The following GRID2 variants were observed in gnomAD, a reference collection of about 807,000 sequenced individuals.
GRID2 encodes glutamate ionotropic receptor delta type subunit 2.
Under a neutral mutation model 114.8 loss-of-function variants are expected in GRID2, and 33 were observed. That is an observed-to-expected ratio of 0.29 (90% confidence interval 0.22 to 0.38). GRID2 has a LOEUF of 0.38. Among genes scored for constraint, GRID2 ranks in the 10% least tolerant of loss-of-function variants. The probability of loss-of-function intolerance (pLI) is 1.00; values close to 1 mark genes in which losing one functional copy is unlikely to be tolerated. For missense variants in GRID2, 1,184 were observed against 1,257.7 expected, an observed-to-expected ratio of 0.94 and a Z score of 0.89; for synonymous variants, 505 against 449.9, an observed-to-expected ratio of 1.12 and a Z score of -1.55.
At chr4:93,306,843 T>C (rs1755476463) in intron 8 of GRID2, among the ~76,000 whole-genome samples, 1 of 152,240 alleles carries the variant, frequency 6.6e-6, no homozygotes, top group Non-Finnish European at 1.5e-5. Flanking sequence ...TCTTGGTAAC[T>C]ATAATAAAGG....
At chr4:92,994,339 G>C (rs1290373887) in intron 2 of GRID2, among the ~76,000 whole-genome samples, 1 of 151,864 alleles carries the variant, frequency 6.6e-6, no homozygotes. Context: ...TTAAGTTATT[G>C]TTTTTGTTTG....
Position 93,455,838 on chromosome 4 carries a change from T to C in GRID2, c.1722T>C (p.Ala574=). 6.2e-7 allele frequency: 1 copy of C among 1,613,160 alleles called. No individual in the cohort carries two copies. Among genetic ancestry groups the C allele is most frequent in the Non-Finnish European group, 8.5e-7 (1 of 1,179,114 alleles). Residue 574 remains alanine (A), a synonymous_variant, in exon 11 of 16, where the codon GCT becomes GCC. Transcript: ENST00000282020. ...PFDLSLWACI[A]GTVLLVGLLV... is the part of the protein sequence containing the mutation. ...ATCTCTCTCTATGGGCTTGCATTGC[T>C]GGCACAGTCCTTCTGGTGGGTCTAC...
chr4:92,583,542 A>C (rs1728277359), intron 1 of GRID2, among the ~76,000 whole-genome samples: 1 of 151,944 alleles, frequency 6.6e-6, no homozygotes, highest in African/African-American at 2.4e-5. Context: ...ATATTAGCAT[A>C]GAACATATTA....
At chr4:93,707,772 A>T (rs1027274133) in intron 14 of GRID2, among the ~76,000 whole-genome samples, 10 of 151,408 alleles carry the variant, frequency 6.6e-5, no homozygotes, top group African/African-American at 2.4e-4. Context: ...TCTTTAAGGT[A>T]TATCATTAGG....
At chr4:93,741,598 A>G (rs990621453) in intron 14 of GRID2, among the ~76,000 whole-genome samples, 1 of 152,152 alleles carries the variant, frequency 6.6e-6, no homozygotes, top group Non-Finnish European at 1.5e-5. Flanking sequence ...TTAACAAGCA[A>G]ATTAAACAAC....
At chr4:93,241,259 G>A (rs1220802286) in intron 8 of GRID2, among the ~76,000 whole-genome samples, 1 of 151,562 alleles carries the variant, frequency 6.6e-6, no homozygotes, top group Non-Finnish European at 1.5e-5. Flanking sequence ...AGATTCTTGT[G>A]AATTTTCTGC....
intron 1 of GRID2, among the ~76,000 whole-genome samples, chr4:93,805,953 C>T (rs1251357084): frequency 1.3e-5 from 2 of 151,910 alleles, no homozygotes; most frequent in African/African-American, 2.4e-5. Flanking sequence ...AAAAATTAGC[C>T]GGGTGTGGTG....
At chr4:93,761,448 G>A (rs982603742) in intron 14 of GRID2, among the ~76,000 whole-genome samples, 1 of 152,122 alleles carries the variant, frequency 6.6e-6, no homozygotes, top group Non-Finnish European at 1.5e-5. Context: ...AAGCCCACTT[G>A]TTTACTTACT....
At chr4:93,178,701 CAAG>C (rs1442691937) in intron 4 of GRID2, among the ~76,000 whole-genome samples, 1 of 151,886 alleles carries the variant, frequency 6.6e-6, no homozygotes, top group Non-Finnish European at 1.5e-5. Context: ...GAAAAGTTTT[CAAG>C]AAGAGAATGT....
chr4:92,851,166 T>C (rs1276178664), intron 2 of GRID2, among the ~76,000 whole-genome samples: 13 of 151,970 alleles, frequency 8.6e-5, no homozygotes, highest in Admixed American at 5.9e-4. Context: ...GATGGTAATA[T>C]GTACTTGTGA....
chr4:93,234,574 C>T (rs954102842), intron 7 of GRID2, among the ~76,000 whole-genome samples: 3 of 151,098 alleles, frequency 2.0e-5, no homozygotes, highest in Non-Finnish European at 4.4e-5. Context: ...TATACACACA[C>T]GTAATGTTAC....
intron 2 of GRID2, among the ~76,000 whole-genome samples, chr4:92,632,674 A>C (rs1176152342): frequency 6.6e-6 from 1 of 151,804 alleles, no homozygotes; most frequent in African/African-American, 2.4e-5. Flanking sequence ...AAGTGAAGAA[A>C]GGAAAGGAAG....
intron 2 of GRID2, among the ~76,000 whole-genome samples, chr4:93,031,543 G>A (rs1471019804): frequency 6.6e-6 from 1 of 152,204 alleles, no homozygotes; most frequent in South Asian, 2.1e-4. Flanking sequence ...TGTCGTGGGA[G>A]GAATTGAATC....
At chr4:93,492,910 A>C (rs1356715778) in intron 12 of GRID2, among the ~76,000 whole-genome samples, 3 of 151,774 alleles carry the variant, frequency 2.0e-5, no homozygotes, top group South Asian at 4.1e-4. Context: ...CATTTTCCCT[A>C]TACTCTAGCC....
chr4:92,866,799 C>T (rs181217652), intron 2 of GRID2, among the ~76,000 whole-genome samples: 4 of 152,208 alleles, frequency 2.6e-5, no homozygotes, highest in Admixed American at 6.5e-5. Flanking sequence ...GATCCTCCCA[C>T]CTCGGCCTCC....
At chr4:93,596,455 G>A (rs1034052967) in intron 13 of GRID2, among the ~76,000 whole-genome samples, 75 of 152,130 alleles carry the variant, frequency 4.9e-4, no homozygotes, top group African/African-American at 1.7e-3. Flanking sequence ...GCAGGCGCCT[G>A]TAGTCCCAGC....
At chr4:92,737,683 T>C (rs776274764) in intron 2 of GRID2, among the ~76,000 whole-genome samples, 1 of 152,260 alleles carries the variant, frequency 6.6e-6, no homozygotes, top group Admixed American at 6.5e-5. Context: ...TTGAATTATA[T>C]ATGCCAAAAT....
intron 8 of GRID2, among the ~76,000 whole-genome samples, chr4:93,313,175 A>C (rs1254384877): frequency 6.6e-6 from 1 of 152,172 alleles, no homozygotes; most frequent in East Asian, 1.9e-4. Context: ...ATCTGCAGGA[A>C]AAAGGGACAT....
At chr4:92,985,483 C>T (rs2149194715) in intron 2 of GRID2, among the ~76,000 whole-genome samples, 1 of 152,134 alleles carries the variant, frequency 6.6e-6, no homozygotes, top group African/African-American at 2.4e-5. Context: ...GTGATCTGCC[C>T]GCCTCAGCCT....
Sources: allele counts gnomAD v4.1 joint callset (sites outside exome capture counted in the v4.1 genomes callset), GRCh38; gene constraint gnomAD v4.1.1; transcripts MANE v1.5; gene names NCBI Gene and HGNC (gene_info 2026-07-23, HGNC 2026-07-21).